The following KRT74 variants were observed in gnomAD, a reference collection of about 807,000 sequenced individuals.
KRT74 encodes keratin, type II cytoskeletal 74.
A neutral mutation model predicts 42.7 loss-of-function variants in KRT74; 43 were observed. The observed-to-expected ratio is 1.01, with a 90% CI of 0.79 to 1.30. The LOEUF (loss-of-function observed/expected upper bound fraction) is 1.30, where lower values mean the gene tolerates loss of function less well. Ranked by LOEUF, KRT74 falls within the 50% of genes most tolerant of loss-of-function variation. The pLI is 0.00. For synonymous variants in KRT74, 302 were observed against 279.0 expected (o/e 1.08, Z -0.82); for missense variants, 736 against 689.1 (o/e 1.07, Z -0.76).
chr12:52,573,804 T>C lies in KRT74; in HGVS notation c.-27A>G, dbSNP rs1348826601. Reference sequence around the variant, plus strand: ...GTGGGAAAGGTTGAGTTGACAGAGCTGGAGAAAAGCAGTCTCCAAGGGGTA... The same window carrying C: ...GTGGGAAAGGTTGAGTTGACAGAGCCGGAGAAAAGCAGTCTCCAAGGGGTA... On this transcript the variant is annotated 5_prime_UTR_variant, in exon 1 of 9. Transcript: ENST00000305620. The C allele has an allele frequency of 4.4e-6, 7 of 1,580,698 alleles. No individual in the cohort carries two copies. The highest frequency in any genetic ancestry group is 6.1e-6 in the Non-Finnish European group (7 of 1,150,704).
At position 52,570,697 on chromosome 12, in the gene KRT74, G is replaced by A; in HGVS notation, c.980C>T (p.Ala327Val). 6.2e-7 allele frequency: 1 copy of A among 1,614,246 alleles called. No individual in the cohort carries two copies. Among genetic ancestry groups the A allele is most frequent in the Non-Finnish European group, 8.5e-7 (1 of 1,180,050 alleles). The stretch of plus-strand genomic sequence containing the variant: ...GGTCTGGTACAGGGCCTCGGCCTCG[G>A]CCTTGCTCTTCAGGGCGATCTCCTC... ...HYEEIALKSKAEAEALYQTKI... is the reference protein window; with the variant it reads ...HYEEIALKSKVEAEALYQTKI... The change falls in exon 5 of 9, where the codon GCC becomes GTC. Residue 327 changes from alanine to valine, a missense_variant. Ala to Val is a moderately conservative substitution (Grantham distance 64, BLOSUM62 0). Transcript: ENST00000305620.
chr12:52,568,518 A>G, intron 6 of KRT74, 129 bp from the exon 7 acceptor site: 2 of 935,426 alleles, frequency 2.1e-6, no homozygotes, highest in Non-Finnish European at 3.3e-6. Flanking sequence ...TGCAAAGCCA[A>G]CACCAGAACT....
chr12:52,572,782 G>A lies in KRT74; in HGVS notation c.472-115C>T, dbSNP rs116885544. The stretch of plus-strand genomic sequence containing the variant: ...GATTGTTGTAGTCATTTTTGCTCAT[G>A]TCTTGACTCTCCACCCTTGCCATTC... On this transcript the variant is annotated intron_variant, in intron 1 of 8. Coordinates refer to ENST00000305620, the MANE Select transcript of KRT74 (RefSeq NM_175053.4). 8,045 of 912,930 alleles carry A rather than the reference G, an allele frequency of 8.8e-3. 58 individuals carry two copies. The highest frequency in any genetic ancestry group is 0.012 in the Non-Finnish European group (6,611 of 566,204). The allele number at this position is 912,930 out of a possible 1,614,324, so 56.6% of individuals were successfully genotyped here. A position where few individuals can be genotyped will look rare whatever the true frequency, so the allele number is the denominator to read the frequency against.
chr12:52,572,361 C>G, intron 2 of KRT74, 92 bp downstream of exon 2: 1 of 994,488 alleles, frequency 1.0e-6, no homozygotes, highest in Non-Finnish European at 1.4e-6. Flanking sequence ...GGTGCATACT[C>G]CCCCATCTCC....
intron 3 of KRT74, 130 bp downstream of exon 3, chr12:52,571,814 A>ACCCTCACCAGGCACCAGCC (rs1939486682): frequency 1.3e-6 from 1 of 782,534 alleles, no homozygotes; most frequent in Non-Finnish European, 2.4e-6. Flanking sequence ...CTATGACTCC[A>ACCCTCACCAGGCACCAGCC]CCCTCACCAG....
intron 6 of KRT74, chr12:52,568,594 A>G: frequency 1.6e-6 from 1 of 637,280 alleles, no homozygotes; most frequent in South Asian, 2.0e-5. Flanking sequence ...CTGTGGAAGC[A>G]GTTGCATTTC....
Position 52,566,839 on chromosome 12 carries a change from G to T in KRT74, c.*130C>A, listed in dbSNP as rs1939389543. 1 of 666,362 alleles carries T rather than the reference G, an allele frequency of 1.5e-6. No homozygotes were observed. Among genetic ancestry groups the T allele is most frequent in the Non-Finnish European group, 2.5e-6 (1 of 400,146 alleles). The allele number at this position is 666,362 out of a possible 1,614,324, so 41.3% of individuals were successfully genotyped here. A position where few individuals can be genotyped will look rare whatever the true frequency, so the allele number is the denominator to read the frequency against. On this transcript the variant is annotated 3_prime_UTR_variant, in exon 9 of 9. Transcript: ENST00000305620. ...AGCTTGAAAGTAAAAGCTAAACCACGATGCAGACAGTTGAGTGTACTACAG... is the reference window on the plus strand; with the variant it reads ...AGCTTGAAAGTAAAAGCTAAACCACTATGCAGACAGTTGAGTGTACTACAG...
At chr12:52,572,709 C>A (rs779465105) in intron 1 of KRT74, 42 bp from the exon 2 acceptor site, 88 of 1,559,172 alleles carry the variant, frequency 5.6e-5, no homozygotes, top group African/African-American at 1.4e-5. Flanking sequence ...ACAATGGGTG[C>A]AGTCATGCCC....
In KRT74 at chr12:52,571,479, G is replaced by A. The variant is rs550204526; in HGVS notation, c.748-25C>T. 20 of 1,566,020 alleles carry A rather than the reference G, an allele frequency of 1.3e-5. No homozygotes were observed. The East Asian group carries it at 2.9e-4, about 23-fold the overall frequency. On this transcript the variant is annotated intron_variant, in intron 3 of 8. Coordinates refer to ENST00000305620, the MANE Select transcript of KRT74 (RefSeq NM_175053.4). ...CCTGCCAAGAGGCCCCAGAGTCATTGGGGGATGCAACCCTCATCCCACAGC... is the reference window on the plus strand; with the variant it reads ...CCTGCCAAGAGGCCCCAGAGTCATTAGGGGATGCAACCCTCATCCCACAGC...
At chr12:52,572,741 C>T (rs1939510278) in intron 1 of KRT74, 74 bp from the exon 2 acceptor site, 4 of 1,366,096 alleles carry the variant, frequency 2.9e-6, no homozygotes, top group South Asian at 1.2e-5. Flanking sequence ...ACCATTGACT[C>T]CCCAGGTTTG....
In KRT74 at chr12:52,573,790, T is replaced by C. The variant is rs1939533448; in HGVS notation, c.-13A>G. On this transcript the variant is annotated 5_prime_UTR_variant, in exon 1 of 9. Coordinates refer to ENST00000305620, the MANE Select transcript of KRT74 (RefSeq NM_175053.4). ...GTTGCCGACTCATGGTGGGAAAGGT[T>C]GAGTTGACAGAGCTGGAGAAAAGCA... The C allele has an allele frequency of 6.2e-7, 1 of 1,605,748 alleles. No individual in the cohort carries two copies. The highest frequency in any genetic ancestry group is 8.5e-7 in the Non-Finnish European group (1 of 1,173,008).
At chr12:52,570,605 T>C in intron 5 of KRT74, 64 bp downstream of exon 5, 3 of 1,548,672 alleles carry the variant, frequency 1.9e-6, no homozygotes, top group Non-Finnish European at 2.7e-6. Flanking sequence ...TCACATTCAC[T>C]GTGCAGGTGA....
intron 2 of KRT74, 71 bp downstream of exon 2, chr12:52,572,382 T>C (rs1939500045): frequency 4.6e-6 from 7 of 1,518,696 alleles, no homozygotes; most frequent in Middle Eastern, 1.7e-4. Context: ...TAAAAAATAA[T>C]GGCACAGAGA....
chr12:52,572,033 G>A, intron 2 of KRT74, 29 bp from the exon 3 acceptor site: 2 of 1,507,522 alleles, frequency 1.3e-6, no homozygotes, highest in Non-Finnish European at 1.8e-6. Context: ...GATGGCCTTA[G>A]CCCCCTTAGC....
At chr12:52,567,964 C>G (rs571469758) in intron 7 of KRT74, among the ~76,000 whole-genome samples, 2 of 152,008 alleles carry the variant, frequency 1.3e-5, no homozygotes, top group Non-Finnish European at 2.9e-5. Flanking sequence ...TCTGAGCCCC[C>G]GGTTCTCATC....
chr12:52,569,451 G>A, intron 6 of KRT74: 1 of 613,728 alleles, frequency 1.6e-6, no homozygotes. Context: ...CATGTCCAGT[G>A]GGAGGAGGAG....
In KRT74 at chr12:52,570,847, G is replaced by A. The variant is rs1939467332; in HGVS notation, c.844-14C>T. On this transcript the variant is annotated splice_polypyrimidine_tract_variant and intron_variant, in intron 4 of 8. Transcript: ENST00000305620. Reference sequence around the variant, plus strand: ...CTGAGCGATCTCCTGCATTGAGAGAGGAAGACAGATTCAGCAACCCCCTGG... The same window carrying A: ...CTGAGCGATCTCCTGCATTGAGAGAAGAAGACAGATTCAGCAACCCCCTGG... 1 of 1,614,240 alleles carries A rather than the reference G, an allele frequency of 6.2e-7. No individual in the cohort carries two copies. The highest frequency in any genetic ancestry group is 8.5e-7 in the Non-Finnish European group (1 of 1,180,028).
intron 1 of KRT74, among the ~76,000 whole-genome samples, chr12:52,572,891 C>T (rs1430155908): frequency 6.6e-6 from 1 of 152,218 alleles, no homozygotes; most frequent in Non-Finnish European, 1.5e-5. Context: ...GGAGTTTCCA[C>T]AGCTTTCTTC....
At position 52,570,775 on chromosome 12, in the gene KRT74, T is replaced by A. The variant is rs375408142; in HGVS notation, c.902A>T (p.Asn301Ile). The A allele has an allele frequency of 1.9e-6, 3 of 1,614,126 alleles. No homozygotes were observed. Among genetic ancestry groups the A allele is most frequent in the Non-Finnish European group, 2.5e-6 (3 of 1,180,030 alleles). Reference sequence around the variant, plus strand: ...GCTGTCAAGGTCCAGGTCCCGGTTGTTGTCCATGGACAGGATGACAGAGGT... The same window carrying A: ...GCTGTCAAGGTCCAGGTCCCGGTTGATGTCCATGGACAGGATGACAGAGGT... ...SETSVILSMDNNRDLDLDSII... is the reference protein window; with the variant it reads ...SETSVILSMDINRDLDLDSII... The change falls in exon 5 of 9, where the codon AAC (asparagine) becomes ATC (isoleucine). Residue 301 changes from asparagine to isoleucine, a missense_variant. Coordinates refer to ENST00000305620, the MANE Select transcript of KRT74 (RefSeq NM_175053.4).
Sources: gnomAD v4.1 joint callset for allele counts (sites outside exome capture counted in the v4.1 genomes callset) on GRCh38, gnomAD v4.1.1 for gene constraint, MANE v1.5 for transcripts, NCBI Gene and HGNC (gene_info 2026-07-23, HGNC 2026-07-21) for gene names.